The following L3MBTL4 variants were observed in gnomAD, a reference collection of about 807,000 sequenced individuals.
L3MBTL4 encodes the protein lethal(3)malignant brain tumor-like protein 4.
Under a neutral mutation model 84.5 loss-of-function variants are expected in L3MBTL4, and 70 were observed. That is an observed-to-expected ratio of 0.83 (90% CI 0.68 to 1.01). The LOEUF is 1.01. Among genes scored for constraint, L3MBTL4 ranks in the 50% least tolerant of loss-of-function variants. The pLI, the probability that L3MBTL4 is intolerant of heterozygous loss-of-function variation, is 0.00. For synonymous variants in L3MBTL4, 274 were observed against 259.8 expected (o/e 1.05, Z -0.52); for missense variants, 715 against 754.8 (o/e 0.95, Z 0.62).
At chr18:6,229,249 T>C (rs1411654057) in intron 10 of L3MBTL4, among the ~76,000 whole-genome samples, 1 of 152,170 alleles carries the variant, frequency 6.6e-6, no homozygotes. Context: ...AAGAATGCTG[T>C]TTTTTATCTA....
At chr18:6,321,342 C>T (rs935485519) in intron 1 of L3MBTL4, among the ~76,000 whole-genome samples, 1 of 152,076 alleles carries the variant, frequency 6.6e-6, no homozygotes, top group African/African-American at 2.4e-5. Flanking sequence ...CAACAAAGGA[C>T]TAATATCCAG....
chr18:6,062,199 C>T (rs1310920292), intron 16 of L3MBTL4, among the ~76,000 whole-genome samples: 1 of 151,874 alleles, frequency 6.6e-6, no homozygotes, highest in African/African-American at 2.4e-5. Flanking sequence ...TTTTGTTTGT[C>T]TGAGAAAGTC....
chr18:6,168,913 T>G (rs1377802358), intron 13 of L3MBTL4, among the ~76,000 whole-genome samples: 2 of 151,980 alleles, frequency 1.3e-5, no homozygotes, highest in African/African-American at 2.4e-5. Flanking sequence ...GGGAGAAAAT[T>G]TTTGCAACCT....
chr18:6,060,168 A>C (rs1293973997), intron 16 of L3MBTL4, among the ~76,000 whole-genome samples: 1 of 152,162 alleles, frequency 6.6e-6, no homozygotes, highest in Non-Finnish European at 1.5e-5. Context: ...TACTCTCATT[A>C]TGCCATCAGT....
At chr18:6,157,162 G>A (rs1283805603) in intron 13 of L3MBTL4, among the ~76,000 whole-genome samples, 1 of 152,148 alleles carries the variant, frequency 6.6e-6, no homozygotes, top group South Asian at 2.1e-4. Context: ...ACAATATGCT[G>A]TAATTGTCTA....
chr18:6,122,153 A>G (rs1049813036), intron 14 of L3MBTL4, among the ~76,000 whole-genome samples: 7 of 152,236 alleles, frequency 4.6e-5, no homozygotes, highest in Admixed American at 1.3e-4. Context: ...GTATTAAATA[A>G]TATATGTGAA....
chr18:6,140,285 T>G (rs2060156620), intron 13 of L3MBTL4, among the ~76,000 whole-genome samples: 1 of 152,214 alleles, frequency 6.6e-6, no homozygotes, highest in Non-Finnish European at 1.5e-5. Context: ...TTCTATCAAC[T>G]GTTATTTGAC....
chr18:6,177,784 A>C (rs2145296243), intron 12 of L3MBTL4, among the ~76,000 whole-genome samples: 1 of 152,320 alleles, frequency 6.6e-6, no homozygotes, highest in Admixed American at 6.5e-5. Flanking sequence ...GTGAACAGGC[A>C]ACACTGGTGT....
chr18:6,151,307 T>C (rs1469994649), intron 13 of L3MBTL4, among the ~76,000 whole-genome samples: 1 of 152,204 alleles, frequency 6.6e-6, no homozygotes, highest in African/African-American at 2.4e-5. Flanking sequence ...GGACAAAAAT[T>C]CAAGGTTTGT....
intron 4 of L3MBTL4, 127 bp downstream of exon 4, chr18:6,301,776 G>T: frequency 1.3e-6 from 1 of 767,986 alleles, no homozygotes. Context: ...GCAATACCCT[G>T]AATAAATGGT....
chr18:6,145,924 G>A (rs527780076), intron 13 of L3MBTL4, among the ~76,000 whole-genome samples: 1 of 152,298 alleles, frequency 6.6e-6, no homozygotes, highest in East Asian at 1.9e-4. Context: ...GAGTGATGAT[G>A]TTAGGCAGAT....
intron 1 of L3MBTL4, among the ~76,000 whole-genome samples, chr18:6,403,334 C>T (rs1216781184): frequency 1.3e-5 from 2 of 152,172 alleles, no homozygotes; most frequent in East Asian, 3.8e-4. Context: ...AAATACTGTT[C>T]ACCATTTCAG....
At chr18:6,379,014 C>G (rs896802261) in intron 1 of L3MBTL4, among the ~76,000 whole-genome samples, 1 of 152,140 alleles carries the variant, frequency 6.6e-6, no homozygotes, top group Non-Finnish European at 1.5e-5. Flanking sequence ...GTTTGTAGTT[C>G]TCCTTGAAGA....
chr18:6,073,438 AAAC>A (rs1436867855), intron 16 of L3MBTL4, among the ~76,000 whole-genome samples: 1 of 152,202 alleles, frequency 6.6e-6, no homozygotes, highest in Non-Finnish European at 1.5e-5. Flanking sequence ...TCAATAAAAA[AAAC>A]TTCAGTTTTT....
chr18:6,410,804 A>G (rs2055935526), intron 1 of L3MBTL4, among the ~76,000 whole-genome samples: 1 of 152,188 alleles, frequency 6.6e-6, no homozygotes. Context: ...CATCTTCAGG[A>G]GGGATACATA....
At chr18:6,298,424 T>A (rs867143110) in intron 4 of L3MBTL4, among the ~76,000 whole-genome samples, 5 of 152,242 alleles carry the variant, frequency 3.3e-5, no homozygotes, top group Non-Finnish European at 5.9e-5. Context: ...TATTGACCTT[T>A]CATTAGCTAT....
intron 5 of L3MBTL4, among the ~76,000 whole-genome samples, chr18:6,261,929 C>T (rs1342661764): frequency 2.0e-5 from 3 of 152,208 alleles, no homozygotes; most frequent in African/African-American, 4.8e-5. Context: ...CCACACTTCA[C>T]CCTTAACACC....
intron 1 of L3MBTL4, among the ~76,000 whole-genome samples, chr18:6,388,414 G>A (rs341200): frequency 0.51 from 77,025 of 152,054 alleles, 19,578 homozygotes; most frequent in East Asian, 0.59. Context: ...TAACAATATA[G>A]AAATTTCAGA....
rs985566263 is a variant in L3MBTL4 at position 6,196,456 on chromosome 18, C to G, written c.981+16693G>C. On this transcript the variant is annotated intron_variant, in intron 12 of 18. Coordinates refer to ENST00000317931, the MANE Select transcript of L3MBTL4 (RefSeq NM_001330559.2). ...ACAGGCATGAGCCACCGTGCCCGGC[C>G]TAGAGTTCCTCTTAAATACAACCCT... Among the ~76,000 whole-genome samples the G allele has an allele frequency of 2.0e-5, 3 of 152,158 alleles. No homozygotes were observed. The South Asian group carries it at 6.2e-4, about 32-fold the overall frequency.
Sources: gnomAD v4.1 joint callset for allele counts (sites outside exome capture counted in the v4.1 genomes callset) on GRCh38, gnomAD v4.1.1 for gene constraint, MANE v1.5 for transcripts, NCBI Gene and HGNC (gene_info 2026-07-23, HGNC 2026-07-21) for gene names.